DGKH: variants seen among roughly 807,000 people sequenced by gnomAD.
DGKH encodes the protein DAG kinase eta.
DGKH carries 90 observed loss-of-function variants against 159.3 expected under a neutral mutation model. The ratio of observed to expected loss-of-function variants is 0.57; its 90% CI spans 0.48 to 0.67. The LOEUF is 0.67. Among genes scored for constraint, DGKH ranks in the 30% least tolerant of loss-of-function variants. The probability of loss-of-function intolerance (pLI) is 0.00; values close to 1 mark genes in which losing one functional copy is unlikely to be tolerated. For missense variants in DGKH, 1,181 were observed against 1,506.1 expected (o/e 0.78, Z 3.57); for synonymous variants, 536 against 553.8 (o/e 0.97, Z 0.45).
Position 42,155,557 on chromosome 13 carries a change from A to T in DGKH, c.490-110A>T, listed in dbSNP as rs912102056. 8 of 1,564,166 alleles carry T rather than the reference A, an allele frequency of 5.1e-6. No homozygotes were observed. The East Asian group carries it at 1.8e-4, about 35-fold the overall frequency. ...TCTTAAAGCAAAGTGCTTTGGTTTT[A>T]AAAATGATGGATTTGAAAATTTGAC... On this transcript the variant is annotated intron_variant, in intron 4 of 29. Transcript: ENST00000337343.
chr13:42,181,536 C>A, intron 13 of DGKH: 1 of 217,088 alleles, frequency 4.6e-6, no homozygotes, highest in South Asian at 5.8e-5. Context: ...TGACATCACC[C>A]TAGTTCTGGG....
Position 42,101,376 on chromosome 13 carries a change from G to T in DGKH, c.193-26087G>T, listed in dbSNP as rs1321225584. Reference sequence around the variant, plus strand: ...TAAACCATTTGATTTGTTGAAAGCTGTGCTGTCTAGTACAGTAGCCACTAG... The same window carrying T: ...TAAACCATTTGATTTGTTGAAAGCTTTGCTGTCTAGTACAGTAGCCACTAG... On this transcript the variant is annotated intron_variant, in intron 1 of 29. Transcript: ENST00000337343. 3.3e-5 allele frequency among the ~76,000 whole-genome samples: 5 copies of T among 152,222 alleles called. No individual in the cohort carries two copies. In the East Asian group the frequency reaches 9.6e-4, roughly 29 times the overall value.
At chr13:42,177,374 C>G (rs117748722) in intron 12 of DGKH, among the ~76,000 whole-genome samples, 1 of 152,206 alleles carries the variant, frequency 6.6e-6, no homozygotes, top group Non-Finnish European at 1.5e-5. Context: ...CATTCATTCT[C>G]ATTCTCCTAT....
intron 16 of DGKH, among the ~76,000 whole-genome samples, chr13:42,191,537 G>GA (rs796942906): frequency 2.0e-5 from 3 of 151,598 alleles, no homozygotes; most frequent in African/African-American, 7.3e-5. Context: ...TTCATACAAT[G>GA]AAAAAAAACC....
At chr13:42,194,320 G>A (rs12584515) in intron 16 of DGKH, among the ~76,000 whole-genome samples, 18,145 of 151,996 alleles carry the variant, frequency 0.12, 1,538 homozygotes, top group East Asian at 0.4. Flanking sequence ...TTTTATAGAG[G>A]CAGGGTCTCG....
chr13:42,154,957 A>G (rs746049209), intron 3 of DGKH, among the ~76,000 whole-genome samples: 4 of 152,156 alleles, frequency 2.6e-5, no homozygotes, highest in Non-Finnish European at 4.4e-5. Flanking sequence ...ATTGAAAACT[A>G]TGTATTCCTG....
In DGKH at chr13:42,194,827, G is replaced by A. The variant is rs79647173; in HGVS notation, c.2036-58G>A. ...TTTTATGTTTTAAATTTATAGGAAC[G>A]TGCTTATTTTTATAGCTTTATCATT... On this transcript the variant is annotated intron_variant, in intron 16 of 29. Coordinates refer to ENST00000337343, the MANE Select transcript of DGKH (RefSeq NM_178009.5). 1,752 of 1,536,552 alleles carry A rather than the reference G, an allele frequency of 1.1e-3. 36 individuals carry two copies. The East Asian group carries it at 0.032, about 28-fold the overall frequency.
upstream of DGKH, chr13:42,043,756 T>C (rs1880647436): frequency 1.3e-5 from 2 of 152,342 alleles, no homozygotes; most frequent in African/African-American, 4.8e-5. Context: ...TGTTCAATAA[T>C]GAACAGATCC....
intron 13 of DGKH, among the ~76,000 whole-genome samples, chr13:42,179,969 T>C (rs1956709421): frequency 6.6e-6 from 1 of 152,098 alleles, no homozygotes; most frequent in Non-Finnish European, 1.5e-5. Flanking sequence ...ATATGAAAGG[T>C]AGTGATCAAA....
chr13:42,228,959 T>A, intron 29 of DGKH, 140 bp from the exon 30 acceptor site: 1 of 673,924 alleles, frequency 1.5e-6, no homozygotes, highest in Non-Finnish European at 2.4e-6. Context: ...CTAATTATGT[T>A]TCTTGCTGGT....
At chr13:42,243,416 A>G (rs1288329476), downstream of DGKH, among the ~76,000 whole-genome samples, 1 of 152,196 alleles carries the variant, frequency 6.6e-6, no homozygotes, top group East Asian at 1.9e-4. Flanking sequence ...CATTTATAGT[A>G]ATGATTCCTT....
At chr13:42,093,983 T>G (rs1440777515) in intron 1 of DGKH, among the ~76,000 whole-genome samples, 1 of 151,774 alleles carries the variant, frequency 6.6e-6, no homozygotes, top group Non-Finnish European at 1.5e-5. Flanking sequence ...TAAAAATGGT[T>G]AAGATGGTAA....
intron 1 of DGKH, among the ~76,000 whole-genome samples, chr13:42,125,057 G>A (rs1330152550): frequency 6.6e-6 from 1 of 152,098 alleles, no homozygotes; most frequent in Non-Finnish European, 1.5e-5. Flanking sequence ...CATTTGAATC[G>A]CCACCTCCTT....
In DGKH at chr13:42,234,199, T is replaced by C. The variant is rs2138302794; in HGVS notation, c.*5011T>C. 1 of 152,314 alleles carries C rather than the reference T, an allele frequency of 6.6e-6. No individual in the cohort carries two copies. Among genetic ancestry groups the C allele is most frequent in the Non-Finnish European group, 1.5e-5 (1 of 68,036 alleles). 9.4% of individuals were successfully genotyped at this position (152,314 alleles called of 1,614,324 possible). A position where few individuals can be genotyped will look rare whatever the true frequency, so the allele number is the denominator to read the frequency against. On this transcript the variant is annotated 3_prime_UTR_variant, in exon 30 of 30. Transcript: ENST00000337343. ...TCAGGAATCCTTCTCTTAATAACTTTTACATATTGATATAATGTACCAAAA... is the reference window on the plus strand; with the variant it reads ...TCAGGAATCCTTCTCTTAATAACTTCTACATATTGATATAATGTACCAAAA...
chr13:42,150,819 G>A (rs1472831862), intron 3 of DGKH, among the ~76,000 whole-genome samples: 1 of 152,084 alleles, frequency 6.6e-6, no homozygotes, highest in African/African-American at 2.4e-5. Context: ...CCTAATCCCT[G>A]GAACTTACAG....
intron 11 of DGKH, among the ~76,000 whole-genome samples, chr13:42,172,735 A>G (rs535178614): frequency 4.6e-5 from 7 of 152,272 alleles, no homozygotes; most frequent in African/African-American, 1.7e-4. Flanking sequence ...GTGCAGTGGC[A>G]TGATCTTGGC....
chr13:42,199,865 T>C lies in DGKH; in HGVS notation c.2449T>C (p.Leu817=). The C allele has an allele frequency of 9.3e-6, 15 of 1,612,862 alleles. No homozygotes were observed. Among genetic ancestry groups the C allele is most frequent in the Non-Finnish European group, 1.3e-5 (15 of 1,179,448 alleles). ...TGGAGTCCTTGGAACCCGGGAGTTA[T>C]TACAGAGATCGTACAAGAATTTAGA... ...WYGVLGTREL[L]QRSYKNLEQR... The change falls in exon 20 of 30, where the codon TTA becomes CTA. Residue 817 remains leucine (L), a synonymous_variant. Transcript: ENST00000337343.
chr13:42,070,639 T>C, intron 1 of DGKH: 1 of 1,612,062 alleles, frequency 6.2e-7, no homozygotes, highest in South Asian at 1.1e-5. Context: ...TGGTTTGAGA[T>C]CTCTGTGCAG....
At chr13:42,121,066 TACACACACAC>T (rs377628213) in intron 1 of DGKH, among the ~76,000 whole-genome samples, 2 of 144,734 alleles carry the variant, frequency 1.4e-5, no homozygotes, top group South Asian at 2.3e-4. Flanking sequence ...ATATATATTA[TACACACACAC>T]ACACACACAC....
Sources: allele counts gnomAD v4.1 joint callset (sites outside exome capture counted in the v4.1 genomes callset), GRCh38; gene constraint gnomAD v4.1.1; transcripts MANE v1.5; gene names NCBI Gene and HGNC (gene_info 2026-07-23, HGNC 2026-07-21).